Variants in ARHGAP5 observed in about 807,000 individuals in gnomAD.
The protein encoded by ARHGAP5 is Rho GTPase activating protein 5.
In ARHGAP5, 23 loss-of-function variants were observed where a neutral mutation model predicts 116.6. The ratio of observed to expected loss-of-function variants is 0.20; its 90% CI spans 0.14 to 0.28. The LOEUF is 0.28. ARHGAP5 is among the 10% of genes least tolerant of loss of function. The pLI, the probability that ARHGAP5 is intolerant of heterozygous loss-of-function variation, is 1.00. For missense variants in ARHGAP5, 1,405 were observed against 1,774.8 expected (o/e 0.79, Z 3.74); for synonymous variants, 574 against 602.0 (o/e 0.95, Z 0.68).
chr14:32,093,459 C>A lies in ARHGAP5; in HGVS notation c.2790C>A (p.Val930=), dbSNP rs763187581. ...CTCAGTATCATCGGCAAACTGAGGT[C>A]TTTACTCTGTTTTTTAGTGATGTTC... The part of the protein sequence containing the change: ...SLSQYHRQTE[V]FTLFFSDVLE... Residue 930 remains valine (V), a synonymous_variant, in exon 2 of 7, where the codon GTC becomes GTA. Coordinates refer to ENST00000345122, the MANE Select transcript of ARHGAP5 (RefSeq NM_001030055.2). 6.8e-6 allele frequency: 11 copies of A among 1,613,100 alleles called. No homozygotes were observed. Among genetic ancestry groups the A allele is most frequent in the Non-Finnish European group, 8.5e-6 (10 of 1,179,728 alleles).
chr14:32,086,691 C>G (rs2139005590), intron 1 of ARHGAP5, among the ~76,000 whole-genome samples: 1 of 151,610 alleles, frequency 6.6e-6, no homozygotes, highest in South Asian at 2.1e-4. Flanking sequence ...TTTTTAGATT[C>G]CTTGTAGAAC....
At chr14:32,129,938 A>G (rs1880384017) in intron 3 of ARHGAP5, among the ~76,000 whole-genome samples, 1 of 152,026 alleles carries the variant, frequency 6.6e-6, no homozygotes, top group Non-Finnish European at 1.5e-5. Context: ...AGTGGCTCAC[A>G]CCTGTAATAC....
chr14:32,158,935 T>C lies in ARHGAP5; in HGVS notation c.*3987T>C, dbSNP rs1362827912. On this transcript the variant is annotated 3_prime_UTR_variant, in exon 7 of 7. Transcript: ENST00000345122. ...AACTTTGGGAGTCTTCACTATTCAATTGATCCTCATCATTGTCCTATTTGC... is the reference window on the plus strand; with the variant it reads ...AACTTTGGGAGTCTTCACTATTCAACTGATCCTCATCATTGTCCTATTTGC... 4 of 152,110 alleles carry C rather than the reference T, an allele frequency of 2.6e-5. No homozygotes were observed. Among genetic ancestry groups the C allele is most frequent in the Admixed American group, 2.0e-4 (3 of 15,272 alleles). The allele number at this position is 152,110 out of a possible 1,614,324, so 9.4% of individuals were successfully genotyped here.
intron 5 of ARHGAP5, among the ~76,000 whole-genome samples, chr14:32,151,875 A>G (rs1369497533): frequency 6.6e-6 from 1 of 152,210 alleles, no homozygotes; most frequent in South Asian, 2.1e-4. Flanking sequence ...TAAAAAGGCT[A>G]TAGTAATAAA....
At chr14:32,134,195 GTTTTCATGTCATGAATT>G (rs1309632044) in intron 3 of ARHGAP5, among the ~76,000 whole-genome samples, 1 of 151,940 alleles carries the variant, frequency 6.6e-6, no homozygotes, top group Non-Finnish European at 1.5e-5. Flanking sequence ...TTGTGGGTAT[GTTTTCATGTCATGAATT>G]TTTTCATGAA....
chr14:32,091,892 T>C lies in ARHGAP5; in HGVS notation c.1223T>C (p.Leu408Ser), dbSNP rs1878269436. 3 of 1,613,540 alleles carry C rather than the reference T, an allele frequency of 1.9e-6. No individual in the cohort carries two copies. Among genetic ancestry groups the C allele is most frequent in the African/African-American group, 2.7e-5 (2 of 74,980 alleles). The change falls in exon 2 of 7, where the codon TTA becomes TCA. Residue 408 changes from leucine to serine, a missense_variant. Coordinates refer to ENST00000345122, the MANE Select transcript of ARHGAP5 (RefSeq NM_001030055.2). ...RRIPFDLLSTLEAEKVYQNHV... is the reference protein window; with the variant it reads ...RRIPFDLLSTSEAEKVYQNHV... ...ATTCCATTTGACCTCCTGAGCACTTTAGAAGCTGAAAAAGTCTATCAGAAC... is the reference window on the plus strand; with the variant it reads ...ATTCCATTTGACCTCCTGAGCACTTCAGAAGCTGAAAAAGTCTATCAGAAC...
intron 3 of ARHGAP5, among the ~76,000 whole-genome samples, chr14:32,131,913 C>T (rs538046802): frequency 5.4e-4 from 82 of 152,288 alleles, no homozygotes; most frequent in Middle Eastern, 6.8e-3. Context: ...AGGACATGAA[C>T]TCATCATTTT....
At chr14:32,133,112 A>G (rs962929929) in intron 3 of ARHGAP5, among the ~76,000 whole-genome samples, 2 of 152,146 alleles carry the variant, frequency 1.3e-5, no homozygotes, top group African/African-American at 2.4e-5. Context: ...GTTTTTTCCA[A>G]TTCTGTGAAG....
At chr14:32,096,102 CGTGCGCACGTGTGTGTGT>C (rs1878512285) in intron 2 of ARHGAP5, among the ~76,000 whole-genome samples, 1 of 150,772 alleles carries the variant, frequency 6.6e-6, no homozygotes, top group Non-Finnish European at 1.5e-5. Flanking sequence ...TGTGTGTGTG[CGTGCGCACGTGTGTGTGT>C]GTTTTCGTGT....
intron 2 of ARHGAP5, among the ~76,000 whole-genome samples, chr14:32,101,156 C>T (rs953789799): frequency 3.3e-5 from 5 of 152,078 alleles, no homozygotes; most frequent in African/African-American, 1.2e-4. Flanking sequence ...TGTATTCCTT[C>T]TAATCAGTGT....
intron 1 of ARHGAP5, among the ~76,000 whole-genome samples, chr14:32,084,493 G>A (rs995118833): frequency 2.0e-5 from 3 of 152,054 alleles, no homozygotes; most frequent in African/African-American, 7.2e-5. Context: ...ATTACCCAGC[G>A]GTTTGGAAGC....
intron 2 of ARHGAP5, among the ~76,000 whole-genome samples, chr14:32,104,915 C>G (rs982644971): frequency 6.6e-6 from 1 of 152,112 alleles, no homozygotes; most frequent in African/African-American, 2.4e-5. Context: ...AAGCATATGG[C>G]AATGTCTAGA....
Position 32,092,776 on chromosome 14 carries a change from CAGAG to C in ARHGAP5, c.2111_2114del (p.Arg704IlefsTer26). ...TCCATTTACATTAATTCTGGCTAAT[CAGAG>C]AGATTCCATTAGTAAGAATCTACCA... is the stretch of plus-strand genomic sequence containing the variant. On this transcript the variant is annotated frameshift_variant, in exon 2 of 7. Coordinates refer to ENST00000345122, the MANE Select transcript of ARHGAP5 (RefSeq NM_001030055.2). LOFTEE classifies it high-confidence loss of function. This position sits in a 1 kb window ranked among gnomAD's most constrained non-coding sequence, Gnocchi z 4.1. 6.2e-7 allele frequency: 1 copy of C among 1,613,964 alleles called. No homozygotes were observed. The highest frequency in any genetic ancestry group is 8.5e-7 in the Non-Finnish European group (1 of 1,179,902).
intron 3 of ARHGAP5, among the ~76,000 whole-genome samples, chr14:32,125,903 T>G (rs1880129526): frequency 1.3e-5 from 2 of 152,230 alleles, no homozygotes; most frequent in Non-Finnish European, 2.9e-5. Flanking sequence ...TTAATTTAAT[T>G]TTCATGTTTA....
intron 2 of ARHGAP5, among the ~76,000 whole-genome samples, chr14:32,104,052 G>A (rs943293905): frequency 2.6e-5 from 4 of 152,098 alleles, no homozygotes; most frequent in African/African-American, 9.7e-5. Flanking sequence ...CTAGAAAAAT[G>A]CACATGCACA....
intron 4 of ARHGAP5, 65 bp downstream of exon 4, chr14:32,146,405 G>T (rs1478866658): frequency 3.4e-6 from 4 of 1,187,002 alleles, no homozygotes; most frequent in East Asian, 4.8e-5. Flanking sequence ...AATTCATGGT[G>T]AGAAGATTGA....
In ARHGAP5 at chr14:32,088,478, C is replaced by A. The variant is rs868769829; in HGVS notation, c.-168-2024C>A. Among the ~76,000 whole-genome samples, 9 of 151,892 alleles carry A rather than the reference C, an allele frequency of 5.9e-5. No homozygotes were observed. In the East Asian group the frequency reaches 7.7e-4, roughly 13 times the overall value. ...TCCATACTAAGTTCCATTTCTATCA[C>A]TGTGTATATAACTTTGTTGTCTAGA... On this transcript the variant is annotated intron_variant, in intron 1 of 6. Coordinates refer to ENST00000345122, the MANE Select transcript of ARHGAP5 (RefSeq NM_001030055.2).
At chr14:32,084,188 G>T (rs2041805928) in intron 1 of ARHGAP5, among the ~76,000 whole-genome samples, 1 of 152,162 alleles carries the variant, frequency 6.6e-6, no homozygotes, top group South Asian at 2.1e-4. Context: ...TTTCAGCAGT[G>T]AAGTTTTTTT....
Position 32,092,847 on chromosome 14 carries a change from A to C in ARHGAP5, c.2178A>C (p.Gln726His). ...GGCAGCAGTTGGCAAACAAGTTGCA[A>C]TGTCCTTTTGTAGATGTACCTGCTG... ...HQGQQLANKL[Q>H]CPFVDVPAGT... Residue 726 changes from glutamine (Q) to histidine (H), a missense_variant, in exon 2 of 7, where the codon CAA becomes CAC. Physicochemically the swap from Gln to His is conservative, Grantham distance 24 (BLOSUM62 0). Coordinates refer to ENST00000345122, the MANE Select transcript of ARHGAP5 (RefSeq NM_001030055.2). This position sits in a 1 kb window ranked among gnomAD's most constrained non-coding sequence, Gnocchi z 4.1. 3 of 1,614,062 alleles carry C rather than the reference A, an allele frequency of 1.9e-6. No individual in the cohort carries two copies. Among genetic ancestry groups the C allele is most frequent in the Non-Finnish European group, 1.7e-6 (2 of 1,179,948 alleles).
Sources: gnomAD v4.1 joint callset for allele counts (sites outside exome capture counted in the v4.1 genomes callset) on GRCh38, gnomAD v4.1.1 for gene constraint, Gnocchi (gnomAD v3.1) non-coding constraint, MANE v1.5 for transcripts, NCBI Gene and HGNC (gene_info 2026-07-23, HGNC 2026-07-21) for gene names.